ZNF521: variants seen among roughly 807,000 people sequenced by gnomAD.
The protein encoded by ZNF521 is LYST-interacting protein 3.
In ZNF521, 14 loss-of-function variants were observed where a neutral mutation model predicts 105.5. The ratio of observed to expected loss-of-function variants is 0.13; its 90% confidence interval spans 0.09 to 0.21. The LOEUF (loss-of-function observed/expected upper bound fraction) is 0.21. Among genes scored for constraint, ZNF521 ranks in the 10% least tolerant of loss-of-function variants. The pLI is 1.00. For synonymous variants in ZNF521, 635 were observed against 606.0 expected (o/e 1.05, Z -0.70); for missense variants, 1,233 against 1,629.7 (o/e 0.76, Z 4.19).
chr18:25,275,660 C>T (rs1909982121), intron 3 of ZNF521, among the ~76,000 whole-genome samples: 1 of 152,196 alleles, frequency 6.6e-6, no homozygotes, highest in South Asian at 2.1e-4. Context: ...TTTCCTTCTC[C>T]CCATCAGCCA....
intron 5 of ZNF521, among the ~76,000 whole-genome samples, chr18:25,167,338 C>T (rs895031109): frequency 3.3e-5 from 5 of 152,136 alleles, no homozygotes; most frequent in African/African-American, 4.8e-5. Flanking sequence ...AGTGCTTCTA[C>T]AGTAATAGGC....
In ZNF521 at chr18:25,179,612, T is replaced by C. The variant is rs58164853; in HGVS notation, c.3658+15548A>G. On this transcript the variant is annotated intron_variant, in intron 5 of 7. Transcript: ENST00000361524. ...GATTAAATTTAACCACAGGAAACTCTTCCAAGTCCTAATGAAGCAGCAATT... is the reference window on the plus strand; with the variant it reads ...GATTAAATTTAACCACAGGAAACTCCTCCAAGTCCTAATGAAGCAGCAATT... Among the ~76,000 whole-genome samples, 797 of 152,328 alleles carry C rather than the reference T, an allele frequency of 5.2e-3. 6 individuals carry two copies. Among genetic ancestry groups the C allele is most frequent in the African/African-American group, 0.018 (748 of 41,556 alleles).
At chr18:25,194,149 G>A (rs1329559038) in intron 5 of ZNF521, among the ~76,000 whole-genome samples, 4 of 151,680 alleles carry the variant, frequency 2.6e-5, no homozygotes, top group African/African-American at 9.7e-5. Flanking sequence ...CAAGTTCATA[G>A]TCTAAACTGT....
At chr18:25,214,639 T>C (rs1191302604) in intron 4 of ZNF521, among the ~76,000 whole-genome samples, 1 of 152,198 alleles carries the variant, frequency 6.6e-6, no homozygotes, top group East Asian at 1.9e-4. Flanking sequence ...CCTTCTTTGT[T>C]CAATGTATGT....
intron 5 of ZNF521, among the ~76,000 whole-genome samples, chr18:25,185,676 C>T (rs78449296): frequency 1.6e-3 from 236 of 152,210 alleles, no homozygotes; most frequent in African/African-American, 5.6e-3. Context: ...GCATCCCACC[C>T]TAACAGGCAC....
At chr18:25,346,767 GCTCT>G (rs1454502861) in intron 2 of ZNF521, among the ~76,000 whole-genome samples, 3 of 152,138 alleles carry the variant, frequency 2.0e-5, no homozygotes, top group Non-Finnish European at 2.9e-5. Flanking sequence ...CACTTCTGGG[GCTCT>G]CTTTCTCCCT....
chr18:25,303,298 G>GTT (rs1568066490), intron 3 of ZNF521, among the ~76,000 whole-genome samples: 11 of 122,128 alleles, frequency 9.0e-5, no homozygotes, highest in South Asian at 2.4e-4. Context: ...GTGTGTGTGT[G>GTT]TGTGTGTGTG....
intron 3 of ZNF521, among the ~76,000 whole-genome samples, chr18:25,234,286 A>G (rs1906730589): frequency 6.6e-6 from 1 of 152,208 alleles, no homozygotes; most frequent in Non-Finnish European, 1.5e-5. Context: ...TCTTTTCTTG[A>G]ATAATGACAG....
intron 2 of ZNF521, among the ~76,000 whole-genome samples, chr18:25,323,380 C>G (rs1017078253): frequency 2.0e-5 from 3 of 152,072 alleles, no homozygotes; most frequent in African/African-American, 7.2e-5. Flanking sequence ...TACAATATTA[C>G]TTTTAATGGC....
intron 2 of ZNF521, among the ~76,000 whole-genome samples, chr18:25,326,455 G>A (rs1568080170): frequency 2.0e-5 from 3 of 152,162 alleles, no homozygotes; most frequent in Admixed American, 1.3e-4. Flanking sequence ...AAACTCTGTC[G>A]CTCTCTGCTC....
At chr18:25,108,635 C>CT (rs1306027477) in intron 5 of ZNF521, among the ~76,000 whole-genome samples, 2 of 152,000 alleles carry the variant, frequency 1.3e-5, no homozygotes, top group Non-Finnish European at 2.9e-5. Context: ...TTTGATATTT[C>CT]TTTTTCTGAG....
At chr18:25,339,112 A>G (rs1438049719) in intron 2 of ZNF521, among the ~76,000 whole-genome samples, 1 of 152,250 alleles carries the variant, frequency 6.6e-6, no homozygotes, top group African/African-American at 2.4e-5. Context: ...CCAATGACAC[A>G]AAAGGAATAC....
chr18:25,347,472 T>C (rs1194337535), intron 2 of ZNF521, among the ~76,000 whole-genome samples: 4 of 152,166 alleles, frequency 2.6e-5, no homozygotes, highest in African/African-American at 4.8e-5. Flanking sequence ...CTTTTACAAA[T>C]AGAAAAGTGA....
chr18:25,212,509 C>CAAAAAAAAA (rs59178760), intron 4 of ZNF521, among the ~76,000 whole-genome samples: 7 of 21,702 alleles, frequency 3.2e-4, no homozygotes, highest in African/African-American at 7.9e-4. Flanking sequence ...GACTTAGTCT[C>CAAAAAAAAA]AAAAAAAAAA....
At position 25,226,537 on chromosome 18, in the gene ZNF521, C is replaced by G; in HGVS notation, c.1381G>C (p.Glu461Gln). The G allele has an allele frequency of 6.2e-7, 1 of 1,614,128 alleles. No individual in the cohort carries two copies. The highest frequency in any genetic ancestry group is 8.5e-7 in the Non-Finnish European group (1 of 1,180,026). Residue 461 changes from glutamate to glutamine, a missense_variant, in exon 4 of 8, where the codon GAA becomes CAA. By Grantham distance (29) the Glu-to-Gln change is conservative (BLOSUM62 2). Transcript: ENST00000361524. The surrounding 1 kb of genome is among the most constrained non-coding windows in gnomAD (Gnocchi z 4.1). ...ACAATCAGACCTGGGTCCTGAGCTT[C>G]ATGCACTTGCTTAAGATGTTCATTT... ...NLNEHLKQVH[E>Q]AQDPGLIVSA...
chr18:25,346,664 G>A (rs1401357351), intron 2 of ZNF521, among the ~76,000 whole-genome samples: 1 of 152,148 alleles, frequency 6.6e-6, no homozygotes, highest in East Asian at 1.9e-4. Context: ...ACAAAAGAAG[G>A]TAAATGGGGG....
At position 25,312,703 on chromosome 18, in the gene ZNF521, C is replaced by T. The variant is rs1228493862; in HGVS notation, c.220+9305G>A. ...GCGGGCGCCTGTAGTCCCAGCTACT[C>T]GGGAGGCTGAGGCAGGAGAATGGCG... is the stretch of plus-strand genomic sequence containing the variant. On this transcript the variant is annotated intron_variant, in intron 3 of 7. Coordinates refer to ENST00000361524, the MANE Select transcript of ZNF521 (RefSeq NM_015461.3). Among the ~76,000 whole-genome samples, 13 of 99,956 alleles carry T rather than the reference C, an allele frequency of 1.3e-4. 2 individuals are homozygous for T. The South Asian group carries it at 3.6e-3, about 28-fold the overall frequency. 65.6% of individuals were successfully genotyped at this position (99,956 alleles called of 152,430 possible). A position where few individuals can be genotyped will look rare whatever the true frequency, so the allele number is the denominator to read the frequency against.
Position 25,212,538 on chromosome 18 carries a change from AATATATAT to A in ZNF521, c.3573+11799_3573+11806del, listed in dbSNP as rs1279194731. Among the ~76,000 whole-genome samples the A allele has an allele frequency of 3.3e-4, 16 of 48,134 alleles. 1 individual carries two copies. The highest frequency in any genetic ancestry group is 1.7e-3 in the African/African-American group (13 of 7,596). 31.6% of individuals were successfully genotyped at this position (48,134 alleles called of 152,430 possible). A position where few individuals can be genotyped will look rare whatever the true frequency, so the allele number is the denominator to read the frequency against. On this transcript the variant is annotated intron_variant, in intron 4 of 7. Transcript: ENST00000361524. ...AAAAAAAAAAAAAAAAAAAAAAAAA[AATATATAT>A]ATATATATATATATATATATGTATA...
chr18:25,351,380 T>C (rs183380267), intron 1 of ZNF521: 1 of 148,888 alleles, frequency 6.7e-6, no homozygotes, highest in African/African-American at 2.5e-5. Flanking sequence ...TTCATGCGAA[T>C]AGAAAAAAAC....
Sources: gnomAD v4.1 joint callset for allele counts (sites outside exome capture counted in the v4.1 genomes callset) on GRCh38, gnomAD v4.1.1 for gene constraint, Gnocchi (gnomAD v3.1) non-coding constraint, MANE v1.5 for transcripts, NCBI Gene and HGNC (gene_info 2026-07-23, HGNC 2026-07-21) for gene names.